The following MED13L variants were observed in gnomAD, a reference collection of about 807,000 sequenced individuals.
MED13L encodes the protein mediator of RNA polymerase II transcription subunit 13-like.
A neutral mutation model predicts 220.9 loss-of-function variants in MED13L; 7 were observed. The ratio of observed to expected loss-of-function variants is 0.03; its 90% CI spans 0.02 to 0.06. The LOEUF is 0.06. MED13L is among the 10% of genes least tolerant of loss of function. MED13L has a pLI of 1.00. For missense variants in MED13L, 1,965 were observed against 2,760.5 expected (o/e 0.71, Z 6.46); for synonymous variants, 1,011 against 1,015.2 (o/e 1.00, Z 0.08).
chr12:116,255,907 A>C (rs1396718629), intron 1 of MED13L, among the ~76,000 whole-genome samples: 1 of 152,246 alleles, frequency 6.6e-6, no homozygotes, highest in Non-Finnish European at 1.5e-5. Context: ...CAAATTTTAA[A>C]TTTTCAGAGT....
chr12:116,199,177 T>C (rs1399661301), intron 2 of MED13L, among the ~76,000 whole-genome samples: 1 of 152,238 alleles, frequency 6.6e-6, no homozygotes, highest in Non-Finnish European at 1.5e-5. Context: ...CCATTTTTTT[T>C]ATCTTGTCTC....
At chr12:116,053,996 C>T (rs572618729) in intron 4 of MED13L, among the ~76,000 whole-genome samples, 1 of 152,164 alleles carries the variant, frequency 6.6e-6, no homozygotes, top group African/African-American at 2.4e-5. Context: ...TCCAGTGTTT[C>T]ATCACATCTA....
At position 115,986,413 on chromosome 12, in the gene MED13L, C is replaced by A; in HGVS notation, c.4191G>T (p.Ser1397=). Reference sequence around the variant, plus strand: ...TCTCCCAAAACGGCAAGGAGAATGGCGAGATGGTGAGGAAATCCTTGTCAT... The same window carrying A: ...TCTCCCAAAACGGCAAGGAGAATGGAGAGATGGTGAGGAAATCCTTGTCAT... ...VGYDKDFLTI[S]PFSLPFWERL... The change falls in exon 19 of 31, where the codon TCG becomes TCT. Residue 1397 remains serine, a synonymous_variant. Transcript: ENST00000281928. 1.2e-6 allele frequency: 2 copies of A among 1,614,060 alleles called. No homozygotes were observed. Among genetic ancestry groups the A allele is most frequent in the Non-Finnish European group, 1.7e-6 (2 of 1,180,004 alleles).
chr12:116,132,968 C>T (rs1876209288), intron 2 of MED13L, among the ~76,000 whole-genome samples: 1 of 152,080 alleles, frequency 6.6e-6, no homozygotes, highest in Non-Finnish European at 1.5e-5. Flanking sequence ...GAAAAACAGA[C>T]TAACTGCAGG....
rs185656341 is a variant in MED13L, at chr12:116,236,877, G to A, written c.310+591C>T. The A allele has an allele frequency of 3.9e-4, 384 of 984,984 alleles. 3 individuals carry two copies. The highest frequency in any genetic ancestry group is 3.6e-3 in the African/African-American group (208 of 57,304). 61.0% of individuals were successfully genotyped at this position (984,984 alleles called of 1,614,324 possible). On this transcript the variant is annotated intron_variant, in intron 2 of 30. Transcript: ENST00000281928. Reference sequence around the variant, plus strand: ...CTGAAGCTAAAAATCAGGCAACACCGGAGCCAATGTTTCCTGGAATCACCA... The same window carrying A: ...CTGAAGCTAAAAATCAGGCAACACCAGAGCCAATGTTTCCTGGAATCACCA...
At chr12:116,159,415 T>C (rs1878689782) in intron 2 of MED13L, among the ~76,000 whole-genome samples, 1 of 152,154 alleles carries the variant, frequency 6.6e-6, no homozygotes, top group Non-Finnish European at 1.5e-5. Context: ...AACACTATTT[T>C]TTATCTACTA....
chr12:116,148,863 A>G (rs1260154098), intron 2 of MED13L, among the ~76,000 whole-genome samples: 1 of 151,842 alleles, frequency 6.6e-6, no homozygotes, highest in Non-Finnish European at 1.5e-5. Context: ...TCTGTTCCTC[A>G]GTATTGCCTT....
intron 3 of MED13L, among the ~76,000 whole-genome samples, chr12:116,109,573 T>A (rs949110604): frequency 6.6e-6 from 1 of 152,240 alleles, no homozygotes; most frequent in Admixed American, 6.5e-5. Flanking sequence ...TTTGTTCACA[T>A]ACCTTGTAAC....
chr12:116,250,538 T>A (rs1450445645), intron 1 of MED13L, among the ~76,000 whole-genome samples: 1 of 148,826 alleles, frequency 6.7e-6, no homozygotes, highest in African/African-American at 2.5e-5. Context: ...CTGAGGCAGG[T>A]GGATCACCTG....
chr12:116,212,353 G>A (rs904274852), intron 2 of MED13L, among the ~76,000 whole-genome samples: 4 of 152,030 alleles, frequency 2.6e-5, no homozygotes, highest in African/African-American at 9.7e-5. Flanking sequence ...AAATGGTAAG[G>A]GTTGATAGTA....
intron 29 of MED13L, among the ~76,000 whole-genome samples, chr12:115,965,063 T>C (rs181038844): frequency 6.6e-6 from 1 of 152,354 alleles, no homozygotes; most frequent in East Asian, 1.9e-4. Flanking sequence ...GTTAAAGTCA[T>C]TAGGAAAAGA....
At chr12:116,097,631 GAATTGCAATTGTGTCTTC>G (rs1872727021) in intron 3 of MED13L, among the ~76,000 whole-genome samples, 1 of 152,132 alleles carries the variant, frequency 6.6e-6, no homozygotes, top group Non-Finnish European at 1.5e-5. Flanking sequence ...AAGAAACAAG[GAATTGCAATTGTGTCTTC>G]AATAATGAAT....
At chr12:116,160,798 G>C (rs1177854058) in intron 2 of MED13L, among the ~76,000 whole-genome samples, 1 of 150,816 alleles carries the variant, frequency 6.6e-6, no homozygotes, top group Non-Finnish European at 1.5e-5. Context: ...AAACCCCTGG[G>C]TTCAAGTGAT....
chr12:116,263,555 C>G (rs935876190), intron 1 of MED13L, among the ~76,000 whole-genome samples: 1 of 152,164 alleles, frequency 6.6e-6, no homozygotes, highest in Non-Finnish European at 1.5e-5. Context: ...ATTACTGAGA[C>G]AACATGTGTG....
intron 25 of MED13L, among the ~76,000 whole-genome samples, chr12:115,974,067 T>C (rs966824400): frequency 1.3e-5 from 2 of 152,122 alleles, no homozygotes; most frequent in Non-Finnish European, 2.9e-5. Flanking sequence ...CATGGTCTAA[T>C]GCAGGGACCA....
intron 2 of MED13L, among the ~76,000 whole-genome samples, chr12:116,141,062 A>G (rs1877025350): frequency 1.3e-5 from 2 of 152,214 alleles, no homozygotes; most frequent in South Asian, 4.1e-4. Context: ...GCTAAGCACA[A>G]CAAATAAATA....
intron 4 of MED13L, among the ~76,000 whole-genome samples, chr12:116,033,263 A>G (rs1459766466): frequency 2.0e-5 from 3 of 152,188 alleles, no homozygotes; most frequent in Non-Finnish European, 4.4e-5. Context: ...AATATTTCTG[A>G]CTAATAAACA....
chr12:116,231,952 G>T, intron 2 of MED13L: 1 of 274,078 alleles, frequency 3.6e-6, no homozygotes, highest in Non-Finnish European at 5.6e-6. Context: ...GTAATCTATA[G>T]ATACAGATTA....
intron 4 of MED13L, among the ~76,000 whole-genome samples, chr12:116,045,890 A>G (rs1383724670): frequency 1.3e-5 from 2 of 151,914 alleles, no homozygotes; most frequent in Non-Finnish European, 2.9e-5. Flanking sequence ...AAATATATAT[A>G]TATTTCTATA....
Sources: gnomAD v4.1 joint callset for allele counts (sites outside exome capture counted in the v4.1 genomes callset) on GRCh38, gnomAD v4.1.1 for gene constraint, MANE v1.5 for transcripts, NCBI Gene and HGNC (gene_info 2026-07-23, HGNC 2026-07-21) for gene names.